RAB1A: variants seen among roughly 807,000 people sequenced by gnomAD.
RAB1A encodes the protein ras-related protein Rab-1A.
A neutral mutation model predicts 26.0 loss-of-function variants in RAB1A; 2 were observed. The observed-to-expected ratio is 0.08, with a 90% confidence interval of 0.03 to 0.24. RAB1A has a LOEUF of 0.24. Ranked by LOEUF, RAB1A falls within the 10% of genes least tolerant of loss-of-function variation. The pLI is 1.00. For missense variants in RAB1A, 100 were observed against 247.0 expected, an observed-to-expected ratio of 0.40 and a Z score of 3.99; for synonymous variants, 84 against 84.9, an observed-to-expected ratio of 0.99 and a Z score of 0.06.
At chr2:65,119,676 A>G (rs1027976058) in intron 1 of RAB1A, among the ~76,000 whole-genome samples, 5 of 151,674 alleles carry the variant, frequency 3.3e-5, no homozygotes, top group Admixed American at 2.0e-4. Flanking sequence ...AGTGTGATTC[A>G]CTGCTTAAAT....
intron 1 of RAB1A, chr2:65,114,201 G>A: frequency 2.4e-6 from 1 of 420,504 alleles, no homozygotes; most frequent in Non-Finnish European, 4.6e-6. Context: ...CTCAGACAAG[G>A]TTCACATGTC....
chr2:65,123,164 C>T (rs186401038), intron 1 of RAB1A, among the ~76,000 whole-genome samples: 35 of 149,912 alleles, frequency 2.3e-4, no homozygotes, highest in African/African-American at 8.4e-4. Context: ...TTAGCACATA[C>T]GTAAATTTTT....
At chr2:65,118,331 T>C (rs1669871516) in intron 1 of RAB1A, among the ~76,000 whole-genome samples, 1 of 152,222 alleles carries the variant, frequency 6.6e-6, no homozygotes, top group Non-Finnish European at 1.5e-5. Context: ...TGATTATGCT[T>C]GTTTGAACAT....
chr2:65,091,686 CGGCTAATTTTT>C (rs1420582377), intron 3 of RAB1A, among the ~76,000 whole-genome samples: 4 of 152,070 alleles, frequency 2.6e-5, no homozygotes, highest in Non-Finnish European at 4.4e-5. Flanking sequence ...CCACCACACC[CGGCTAATTTTT>C]TCTTTTTTGT....
chr2:65,102,503 A>T (rs1669453751), intron 2 of RAB1A, among the ~76,000 whole-genome samples: 1 of 152,182 alleles, frequency 6.6e-6, no homozygotes, highest in South Asian at 2.1e-4. Flanking sequence ...GATAAACTTA[A>T]ATTTTATTTC....
chr2:65,093,492 A>C (rs1558576550), intron 3 of RAB1A, among the ~76,000 whole-genome samples: 1 of 152,246 alleles, frequency 6.6e-6, no homozygotes. Flanking sequence ...TGAACAGGAA[A>C]AGCTGAAAGG....
intron 1 of RAB1A, among the ~76,000 whole-genome samples, chr2:65,126,946 T>G (rs1314852768): frequency 6.6e-6 from 1 of 152,224 alleles, no homozygotes; most frequent in Non-Finnish European, 1.5e-5. Context: ...ATCTGATTGC[T>G]CACTGCCCTT....
intron 3 of RAB1A, among the ~76,000 whole-genome samples, chr2:65,097,264 CCATACTGAAGAGGCA>C (rs1669310720): frequency 6.6e-6 from 1 of 151,856 alleles, no homozygotes; most frequent in Admixed American, 6.6e-5. Context: ...GGACTCAGAC[CCATACTGAAGAGGCA>C]CAACTGAACT....
At chr2:65,105,511 C>CAAAAAAAAAAAAAAAAAAAAA (rs60594101) in intron 1 of RAB1A, 3 of 33,028 alleles carry the variant, frequency 9.1e-5, no homozygotes, top group African/African-American at 3.1e-4. Flanking sequence ...AACTCTGTCT[C>CAAAAAAAAAAAAAAAAAAAAA]AAAAAAAAAA....
At chr2:65,112,449 T>C (rs931872513) in intron 1 of RAB1A, among the ~76,000 whole-genome samples, 4 of 152,208 alleles carry the variant, frequency 2.6e-5, no homozygotes, top group Non-Finnish European at 5.9e-5. Flanking sequence ...ACCCAGCCAC[T>C]TATGATATTT....
chr2:65,130,067 C>A lies in RAB1A; in HGVS notation c.-152G>T. The A allele has an allele frequency of 1.2e-6, 1 of 852,972 alleles. No individual in the cohort carries two copies. The highest frequency in any genetic ancestry group is 1.9e-6 in the Non-Finnish European group (1 of 529,366). The allele number at this position is 852,972 out of a possible 1,614,324, so 52.8% of individuals were successfully genotyped here. On this transcript the variant is annotated 5_prime_UTR_variant, in exon 1 of 6. Transcript: ENST00000409784. ...CCTACTCCGTCCCCTAGAACACAAT[C>A]AGCAGCCGCCGCCACTCAGCTATCG...
chr2:65,110,405 C>A (rs1300159103), intron 1 of RAB1A, among the ~76,000 whole-genome samples: 1 of 144,090 alleles, frequency 6.9e-6, no homozygotes, highest in Non-Finnish European at 1.5e-5. Flanking sequence ...GGCGCTACTG[C>A]ACTCCAGCCT....
At chr2:65,090,495 CA>C (rs1669147690) in intron 4 of RAB1A, among the ~76,000 whole-genome samples, 1 of 152,194 alleles carries the variant, frequency 6.6e-6, no homozygotes, top group Non-Finnish European at 1.5e-5. Flanking sequence ...TTCAGATACT[CA>C]TTCTCATACT....
chr2:65,112,790 C>A (rs1200029132), intron 1 of RAB1A, among the ~76,000 whole-genome samples: 2 of 152,150 alleles, frequency 1.3e-5, no homozygotes, highest in Non-Finnish European at 2.9e-5. Context: ...TTTTTGCTAT[C>A]AGTTTTTCCT....
chr2:65,117,621 C>T (rs1669855171), intron 1 of RAB1A, among the ~76,000 whole-genome samples: 1 of 152,110 alleles, frequency 6.6e-6, no homozygotes, highest in Non-Finnish European at 1.5e-5. Context: ...GGCTAGAGTG[C>T]AGTGATGCAA....
chr2:65,120,198 C>T (rs770207853), intron 1 of RAB1A, among the ~76,000 whole-genome samples: 52 of 152,056 alleles, frequency 3.4e-4, no homozygotes, highest in Non-Finnish European at 6.5e-4. Context: ...TGGCTCACAC[C>T]TGTAATCCCA....
chr2:65,098,128 T>TG (rs201784208), intron 2 of RAB1A, 62 bp from the exon 3 acceptor site: 1,421 of 939,318 alleles, frequency 1.5e-3, no homozygotes, highest in South Asian at 3.9e-3. Flanking sequence ...CAAGTCTAAG[T>TG]GGAAAAAAAA....
intron 1 of RAB1A, among the ~76,000 whole-genome samples, chr2:65,129,374 T>C (rs570738022): frequency 6.6e-6 from 1 of 151,936 alleles, no homozygotes; most frequent in Admixed American, 6.6e-5. Context: ...CCGAAAAGCA[T>C]CCATATTACC....
chr2:65,128,052 G>A (rs538067292), intron 1 of RAB1A, among the ~76,000 whole-genome samples: 56 of 152,228 alleles, frequency 3.7e-4, no homozygotes, highest in Middle Eastern at 3.4e-3. Context: ...AACTTCTTAA[G>A]CGCAAGGATT....
Sources: gnomAD v4.1 joint callset for allele counts (sites outside exome capture counted in the v4.1 genomes callset) on GRCh38, gnomAD v4.1.1 for gene constraint, MANE v1.5 for transcripts, NCBI Gene and HGNC (gene_info 2026-07-23, HGNC 2026-07-21) for gene names.